The following SFR1 variants were observed in gnomAD, a reference collection of about 807,000 sequenced individuals.
The protein encoded by SFR1 is SWI5 dependent homologous recombination repair protein 1.
SFR1 carries 24 observed loss-of-function variants against 26.2 expected under a neutral mutation model. The ratio of observed to expected loss-of-function variants is 0.92; its 90% CI spans 0.66 to 1.29. SFR1 has a LOEUF of 1.29. Ranked by LOEUF, SFR1 falls within the 50% of genes most tolerant of loss-of-function variation. SFR1 has a pLI of 0.00. For synonymous variants in SFR1, 77 were observed against 96.6 expected (o/e 0.80, Z 1.19); for missense variants, 276 against 270.2 (o/e 1.02, Z -0.15).
At chr10:104,121,371 G>C (rs530884495), upstream of SFR1, among the ~76,000 whole-genome samples, 2 of 152,276 alleles carry the variant, frequency 1.3e-5, no homozygotes, top group African/African-American at 4.8e-5. Context: ...CGACGGGACC[G>C]CCGAGTTTGC....
In SFR1 at chr10:104,122,215, G is replaced by C. The variant is rs747031816; in HGVS notation, c.13+19G>C. On this transcript the variant is annotated intron_variant, in intron 1 of 3. Coordinates refer to ENST00000369727, the MANE Select transcript of SFR1 (RefSeq NM_001002759.2). ...GAGGGAGGTACCCTGCTGAGGGGAAGGGGGGATCCCTGACACCTGGGCTTC... is the reference window on the plus strand; with the variant it reads ...GAGGGAGGTACCCTGCTGAGGGGAACGGGGGATCCCTGACACCTGGGCTTC... 5 of 1,537,340 alleles carry C rather than the reference G, an allele frequency of 3.3e-6. No individual in the cohort carries two copies. Among genetic ancestry groups the C allele is most frequent in the Non-Finnish European group, 4.4e-6 (5 of 1,140,102 alleles).
chr10:104,121,720 A>G (rs1254968394), upstream of SFR1, among the ~76,000 whole-genome samples: 1 of 152,152 alleles, frequency 6.6e-6, no homozygotes, highest in Non-Finnish European at 1.5e-5. Flanking sequence ...GGGGAGAGGC[A>G]CTTTCAGGCG....
chr10:104,121,132 G>A (rs564574251), upstream of SFR1, among the ~76,000 whole-genome samples: 18 of 151,948 alleles, frequency 1.2e-4, no homozygotes, highest in Non-Finnish European at 1.8e-4. Flanking sequence ...TCTCGACTGA[G>A]GATGCTGCTG....
intron 1 of SFR1, chr10:104,122,510 C>T: frequency 2.0e-6 from 2 of 985,420 alleles, no homozygotes; most frequent in Non-Finnish European, 2.4e-6. Context: ...GTTTCTTATG[C>T]CTCGGGCCGG....
chr10:104,121,115 G>T (rs974371592), upstream of SFR1, among the ~76,000 whole-genome samples: 13 of 151,902 alleles, frequency 8.6e-5, no homozygotes, highest in Admixed American at 2.0e-4. Flanking sequence ...GCGCGGGGGG[G>T]GGATTTTCTC....
chr10:104,123,350 T>C (rs921564680), intron 2 of SFR1: 7 of 426,608 alleles, frequency 1.6e-5, no homozygotes, highest in African/African-American at 1.4e-4. Context: ...AAAGTTTGCA[T>C]CTGTGCAATA....
intron 2 of SFR1, chr10:104,123,343 G>T: frequency 2.3e-6 from 1 of 428,954 alleles, no homozygotes; most frequent in Non-Finnish European, 4.1e-6. Flanking sequence ...GATGGAGAAA[G>T]TTTGCATCTG....
At chr10:104,122,857 C>T in intron 1 of SFR1, 108 bp from the exon 2 acceptor site, 1 of 1,553,216 alleles carries the variant, frequency 6.4e-7, no homozygotes, top group Non-Finnish European at 8.7e-7. Context: ...GAAGAAATAT[C>T]TGGCTTACTT....
intron 2 of SFR1, 24 bp downstream of exon 2, chr10:104,123,110 G>C: frequency 6.6e-7 from 1 of 1,525,696 alleles, no homozygotes; most frequent in Admixed American, 2.1e-5. Flanking sequence ...TGTTCTTCCA[G>C]TGGATCCATT....
At chr10:104,121,690 G>A (rs994109437), upstream of SFR1, among the ~76,000 whole-genome samples, 4 of 152,218 alleles carry the variant, frequency 2.6e-5, no homozygotes, top group African/African-American at 9.6e-5. Context: ...AGAGAATGGA[G>A]GCGGCGGGCT....
Position 104,123,930 on chromosome 10 carries a change from A to G in SFR1, c.352A>G (p.Thr118Ala), listed in dbSNP as rs1335562805. ...TGAAGAAAATACAAATTTGAAAAAT[A>G]CTTTGAAGAATCTCAATGTCTGTGA... is the stretch of plus-strand genomic sequence containing the variant. ...EFEENTNLKNTLKNLNVCESQ... is the reference protein window; with the variant it reads ...EFEENTNLKNALKNLNVCESQ... Residue 118 changes from threonine to alanine, a missense_variant, in exon 3 of 4, where the codon ACT (threonine) becomes GCT (alanine). Thr to Ala is a moderately conservative substitution (Grantham distance 58). Coordinates refer to ENST00000369727, the MANE Select transcript of SFR1 (RefSeq NM_001002759.2). The G allele has an allele frequency of 6.2e-7, 1 of 1,613,358 alleles. No individual in the cohort carries two copies. The highest frequency in any genetic ancestry group is 1.3e-5 in the African/African-American group (1 of 74,850).
In SFR1 at chr10:104,125,525, C is replaced by G. The variant is rs765221790; in HGVS notation, c.559C>G (p.Gln187Glu). Residue 187 changes from glutamine (Q) to glutamate (E), a missense_variant, in exon 4 of 4, where the codon CAG becomes GAG. Physicochemically the swap from Gln to Glu is conservative, Grantham distance 29. Transcript: ENST00000369727. ...KMYRSKNDLSQLQLLIKKWRS... is the reference protein window; with the variant it reads ...KMYRSKNDLSELQLLIKKWRS... ...TTTTCTGTTTCAGAATGATCTGTCT[C>G]AGTTACAGTTGTTAATAAAGAAGTG... 11 of 1,610,980 alleles carry G rather than the reference C, an allele frequency of 6.8e-6. No homozygotes were observed. The East Asian group carries it at 2.0e-4, about 29-fold the overall frequency.
chr10:104,123,597 C>T, intron 2 of SFR1, 117 bp from the exon 3 acceptor site: 1 of 701,708 alleles, frequency 1.4e-6, no homozygotes, highest in Non-Finnish European at 2.2e-6. Context: ...GATGTGGAGA[C>T]AGAAAGCCAT....
chr10:104,122,715 C>T, intron 1 of SFR1: 1 of 1,389,848 alleles, frequency 7.2e-7, no homozygotes, highest in East Asian at 2.8e-5. Flanking sequence ...GTGGATGAAA[C>T]GAAAACAAGG....
intron 2 of SFR1, 28 bp from the exon 3 acceptor site, chr10:104,123,686 C>A: frequency 6.7e-7 from 1 of 1,503,378 alleles, no homozygotes; most frequent in Non-Finnish European, 8.9e-7. Flanking sequence ...TCTTGATTCA[C>A]ATTTTTAATG....
chr10:104,121,923 G>T (rs2086966530), upstream of SFR1: 1 of 491,652 alleles, frequency 2.0e-6, no homozygotes, highest in East Asian at 3.7e-5. Context: ...CGGGCGCTGG[G>T]CGGGGAGAGC....
chr10:104,122,402 T>G, intron 1 of SFR1: 2 of 985,394 alleles, frequency 2.0e-6, no homozygotes, highest in Non-Finnish European at 2.4e-6. Context: ...AGTTAATGCC[T>G]TTGTCGGAGG....
chr10:104,124,216 A>C, intron 3 of SFR1, 92 bp downstream of exon 3: 1 of 1,116,046 alleles, frequency 9.0e-7, no homozygotes, highest in Non-Finnish European at 1.2e-6. Flanking sequence ...TTTTTACCAT[A>C]ATAAGCAATA....
At chr10:104,123,442 T>C (rs1339169882) in intron 2 of SFR1, 2 of 385,438 alleles carry the variant, frequency 5.2e-6, no homozygotes, top group African/African-American at 2.1e-5. Context: ...CTATCAGGCA[T>C]GTGCTTGTTA....
Sources: allele counts gnomAD v4.1 joint callset (sites outside exome capture counted in the v4.1 genomes callset), GRCh38; gene constraint gnomAD v4.1.1; transcripts MANE v1.5; gene names NCBI Gene and HGNC (gene_info 2026-07-23, HGNC 2026-07-21).